The following APOOL variants were observed in gnomAD, a reference collection of about 807,000 sequenced individuals.
The protein encoded by APOOL is MICOS complex subunit MIC27.
APOOL carries 12 observed loss-of-function variants against 23.1 expected under a neutral mutation model. That is an observed-to-expected ratio of 0.52 (90% CI 0.33 to 0.84). The LOEUF is 0.84. Ranked by LOEUF, APOOL falls within the 40% of genes least tolerant of loss-of-function variation. APOOL has a pLI of 0.02. For missense variants in APOOL, 212 were observed against 199.6 expected, an observed-to-expected ratio of 1.06 and a Z score of -0.37; for synonymous variants, 77 against 69.9, an observed-to-expected ratio of 1.10 and a Z score of -0.51.
chrX:85,006,231 C>T (rs1921076105), intron 1 of APOOL, among the ~76,000 whole-genome samples: 1 of 111,590 alleles, frequency 9.0e-6, no homozygotes, highest in South Asian at 3.8e-4. Flanking sequence ...GGATGGAGAA[C>T]TGGCATTCAT....
intron 3 of APOOL, among the ~76,000 whole-genome samples, chrX:85,053,125 A>G (rs982203931): frequency 1.8e-5 from 2 of 111,123 alleles, no homozygotes; most frequent in African/African-American, 6.5e-5. Context: ...TTCAATTTCT[A>G]CTCCTGCTAG....
chrX:85,017,331 C>G (rs1378772957), intron 1 of APOOL, among the ~76,000 whole-genome samples: 1 of 111,259 alleles, frequency 9.0e-6, no homozygotes, highest in African/African-American at 3.3e-5. Flanking sequence ...ATGCATTTGG[C>G]GAGGCCGATC....
At chrX:85,073,734 G>GA (rs1406917155) in intron 6 of APOOL, among the ~76,000 whole-genome samples, 1 of 109,507 alleles carries the variant, frequency 9.1e-6, no homozygotes, top group Non-Finnish European at 1.9e-5. Flanking sequence ...CACTAAAGCT[G>GA]AAAAAAATTA....
At chrX:85,031,066 T>A (rs1922020853) in intron 1 of APOOL, among the ~76,000 whole-genome samples, 1 of 112,206 alleles carries the variant, frequency 8.9e-6, no homozygotes, top group East Asian at 2.8e-4. Flanking sequence ...CCAGATTGAT[T>A]GGGTCCTCAA....
In APOOL at chrX:85,088,151, A is replaced by ATACATATTTATACATATATATGT. The variant is rs1924407402; in HGVS notation, c.*473_*474insTACATATTTATACATATATATGT. On this transcript the variant is annotated 3_prime_UTR_variant, in exon 9 of 9. Coordinates refer to ENST00000373173, the MANE Select transcript of APOOL (RefSeq NM_198450.6). The stretch of plus-strand genomic sequence containing the variant: ...ATACATATTTATACATATATGTATA[A>ATACATATTTATACATATATATGT]ATACATACATATTTATACATATATG... 1 of 2,017 alleles carries ATACATATTTATACATATATATGT rather than the reference A, an allele frequency of 5.0e-4. No individual in the cohort carries two copies. Among genetic ancestry groups the ATACATATTTATACATATATATGT allele is most frequent in the Non-Finnish European group, 1.5e-3 (1 of 671 alleles). The allele number at this position is 2,017 out of a possible 1,213,427, so 0.2% of individuals were successfully genotyped here. A position where few individuals can be genotyped will look rare whatever the true frequency, so the allele number is the denominator to read the frequency against.
chrX:85,024,584 A>G (rs980978491), intron 1 of APOOL, among the ~76,000 whole-genome samples: 1 of 112,557 alleles, frequency 8.9e-6, no homozygotes, highest in Admixed American at 9.4e-5. Flanking sequence ...TCCCCTGGGA[A>G]GAACCCCTGC....
chrX:85,057,616 C>CATATATCTCATCTGAATGGATGAT (rs1213838489), intron 5 of APOOL, among the ~76,000 whole-genome samples: 21 of 104,540 alleles, frequency 2.0e-4, no homozygotes, highest in Non-Finnish European at 3.3e-4. Flanking sequence ...GGATGATATA[C>CATATATCTCATCTGAATGGATGAT]ATATATCTCA....
chrX:85,067,627 A>AACACACACACACACACACACACACAC (rs758966009), intron 6 of APOOL, among the ~76,000 whole-genome samples: 1 of 90,406 alleles, frequency 1.1e-5, no homozygotes, highest in African/African-American at 4.1e-5. Context: ...CTGAAGGTAA[A>AACACACACACACACACACACACACAC]ACACACACAC....
At chrX:85,062,834 C>G (rs759558025) in intron 5 of APOOL, among the ~76,000 whole-genome samples, 5 of 111,308 alleles carry the variant, frequency 4.5e-5, no homozygotes, top group African/African-American at 1.6e-4. Context: ...TAGGGTTGTC[C>G]TGGCTATATG....
intron 8 of APOOL, among the ~76,000 whole-genome samples, chrX:85,078,521 C>G (rs1197013956): frequency 9.0e-6 from 1 of 110,993 alleles, no homozygotes; most frequent in Admixed American, 9.6e-5. Context: ...AGTCAGGTAG[C>G]GTGATGCCTC....
intron 6 of APOOL, among the ~76,000 whole-genome samples, chrX:85,068,853 C>CACATTTGG (rs1330617397): frequency 9.0e-6 from 1 of 111,587 alleles, no homozygotes; most frequent in African/African-American, 3.3e-5. Flanking sequence ...TATCCATGTC[C>CACATTTGG]ACATTTGGAT....
intron 1 of APOOL, among the ~76,000 whole-genome samples, chrX:85,045,533 T>C (rs1569456371): frequency 8.9e-6 from 1 of 112,035 alleles, no homozygotes; most frequent in Non-Finnish European, 1.9e-5. Flanking sequence ...GGAGACTGCT[T>C]CCCTCATAAT....
chrX:85,061,319 C>G (rs1923210740), intron 5 of APOOL, among the ~76,000 whole-genome samples: 1 of 111,468 alleles, frequency 9.0e-6, no homozygotes, highest in African/African-American at 3.3e-5. Context: ...CAATGTTCAT[C>G]AAGGATATTG....
chrX:85,065,619 T>A (rs1923430684), intron 5 of APOOL, among the ~76,000 whole-genome samples: 2 of 110,591 alleles, frequency 1.8e-5, no homozygotes, highest in South Asian at 7.8e-4. Flanking sequence ...TAGAGGAGAA[T>A]AGCAAGTATC....
chrX:85,083,136 G>T (rs1924171269), intron 8 of APOOL, among the ~76,000 whole-genome samples: 1 of 111,042 alleles, frequency 9.0e-6, no homozygotes, highest in South Asian at 3.9e-4. Flanking sequence ...CCTGTCTGGT[G>T]CCCTTTATCT....
intron 8 of APOOL, among the ~76,000 whole-genome samples, chrX:85,079,403 T>G (rs1211197547): frequency 1.8e-5 from 2 of 111,742 alleles, no homozygotes; most frequent in East Asian, 2.8e-4. Flanking sequence ...TATTGATTTG[T>G]GTATGTTGAA....
chrX:85,061,386 C>T (rs1212027618), intron 5 of APOOL, among the ~76,000 whole-genome samples: 1 of 111,709 alleles, frequency 9.0e-6, no homozygotes, highest in Non-Finnish European at 1.9e-5. Context: ...CAGGATGATG[C>T]TGGCCTCAGA....
chrX:85,041,562 G>A (rs759648610), intron 1 of APOOL, among the ~76,000 whole-genome samples: 1 of 111,356 alleles, frequency 9.0e-6, no homozygotes, highest in South Asian at 3.8e-4. Flanking sequence ...TATCCTGGGG[G>A]CATGTGAGAG....
chrX:85,043,204 G>C (rs1453380150), intron 1 of APOOL, among the ~76,000 whole-genome samples: 4 of 111,057 alleles, frequency 3.6e-5, no homozygotes, highest in Non-Finnish European at 7.5e-5. Context: ...TAAATAAGTC[G>C]TAATTTTGAC....
Sources: allele counts gnomAD v4.1 joint callset (sites outside exome capture counted in the v4.1 genomes callset), GRCh38; gene constraint gnomAD v4.1.1; transcripts MANE v1.5; gene names NCBI Gene and HGNC (gene_info 2026-07-23, HGNC 2026-07-21).